Variants in AUTS2 observed in about 807,000 individuals in gnomAD.
AUTS2 encodes autism susceptibility gene 2 protein.
Under a neutral mutation model 112.4 loss-of-function variants are expected in AUTS2, and 17 were observed. The ratio of observed to expected loss-of-function variants is 0.15; its 90% CI spans 0.10 to 0.23. AUTS2 has a LOEUF of 0.23. Among genes scored for constraint, AUTS2 ranks in the 10% least tolerant of loss-of-function variants. The pLI is 1.00. For missense variants in AUTS2, 1,510 were observed against 1,701.6 expected, an observed-to-expected ratio of 0.89 and a Z score of 1.98; for synonymous variants, 751 against 702.7, an observed-to-expected ratio of 1.07 and a Z score of -1.09.
intron 4 of AUTS2, among the ~76,000 whole-genome samples, chr7:70,410,410 A>G (rs895916127): frequency 2.5e-4 from 32 of 127,394 alleles, no homozygotes; most frequent in African/African-American, 7.2e-4. Context: ...TTATTTATTT[A>G]TTTATTTATT....
intron 1 of AUTS2, among the ~76,000 whole-genome samples, chr7:69,839,814 T>G (rs1050997530): frequency 6.6e-6 from 1 of 152,002 alleles, no homozygotes; most frequent in Non-Finnish European, 1.5e-5. Flanking sequence ...GTTGTCGTGT[T>G]TTGTAGGTAA....
rs1162716626 is a variant in AUTS2, at chr7:70,343,557, T to A, written c.661-92195T>A. On this transcript the variant is annotated intron_variant, in intron 4 of 18. Coordinates refer to ENST00000342771, the MANE Select transcript of AUTS2 (RefSeq NM_015570.4). ...ACAGTTAAAAGTACTATATGATAAA[T>A]CTTCTGGAAGACGGGTGATGGAATG... Among the ~76,000 whole-genome samples the A allele has an allele frequency of 3.3e-5, 5 of 152,158 alleles. 1 individual carries two copies. The highest frequency in any genetic ancestry group is 7.3e-5 in the Non-Finnish European group (5 of 68,036).
At chr7:70,074,476 C>A (rs751792200) in intron 2 of AUTS2, among the ~76,000 whole-genome samples, 1 of 152,140 alleles carries the variant, frequency 6.6e-6, no homozygotes, top group Non-Finnish European at 1.5e-5. Flanking sequence ...TTGAGTCTCA[C>A]TCTTTTTATT....
At position 70,387,839 on chromosome 7, in the gene AUTS2, C is replaced by T. The variant is rs370007841; in HGVS notation, c.661-47913C>T. Among the ~76,000 whole-genome samples the T allele has an allele frequency of 9.8e-5, 15 of 152,306 alleles. No homozygotes were observed. The South Asian group carries it at 2.9e-3, about 29-fold the overall frequency. On this transcript the variant is annotated intron_variant, in intron 4 of 18. Transcript: ENST00000342771. ...TCATTTGGACTATCACCAGACCATT[C>T]GATCTCTGCTCATTCCATCTTCTAC...
At chr7:69,782,573 T>C (rs1487208075) in intron 1 of AUTS2, among the ~76,000 whole-genome samples, 1 of 151,574 alleles carries the variant, frequency 6.6e-6, no homozygotes, top group Non-Finnish European at 1.5e-5. Flanking sequence ...TCCCAGCTGG[T>C]TCCTGGGTTA....
At chr7:70,288,151 G>A (rs1033167933) in intron 4 of AUTS2, among the ~76,000 whole-genome samples, 4 of 152,108 alleles carry the variant, frequency 2.6e-5, no homozygotes, top group African/African-American at 4.8e-5. Context: ...GGTGACTCAC[G>A]CCTGTAATCC....
intron 5 of AUTS2, among the ~76,000 whole-genome samples, chr7:70,612,987 G>C (rs144712800): frequency 5.9e-5 from 9 of 151,990 alleles, no homozygotes; most frequent in African/African-American, 2.2e-4. Context: ...GGGAGACAGC[G>C]CGGTGGTACA....
At position 70,163,341 on chromosome 7, in the gene AUTS2, T is replaced by TGGGGGGGGGG. The variant is rs200344668; in HGVS notation, c.660+28772_660+28773insGGGGGGGGGG. Among the ~76,000 whole-genome samples, 2 of 2,762 alleles carry TGGGGGGGGGG rather than the reference T, an allele frequency of 7.2e-4. 1 individual carries two copies. The highest frequency in any genetic ancestry group is 1.8e-3 in the African/African-American group (2 of 1,128). 1.8% of individuals were successfully genotyped at this position (2,762 alleles called of 152,430 possible). On this transcript the variant is annotated intron_variant, in intron 4 of 18. Transcript: ENST00000342771. ...ACCAAAGATGAGTGTTAGGTTGTGG[T>TGGGGGGGGGG]GGTGGGGGGGGGGGGGGCAGAGGGG...
chr7:70,523,732 G>A (rs1297302169), intron 5 of AUTS2, among the ~76,000 whole-genome samples: 4 of 152,200 alleles, frequency 2.6e-5, no homozygotes, highest in Admixed American at 2.0e-4. Context: ...ACAAGCTCTA[G>A]CCTATAGCTG....
intron 6 of AUTS2, chr7:70,729,019 G>T: frequency 2.7e-6 from 1 of 363,744 alleles, no homozygotes; most frequent in South Asian, 2.1e-5. Context: ...CACCACCTCC[G>T]GGCAGGATTA....
intron 6 of AUTS2, 117 bp from the exon 7 acceptor site, chr7:70,762,753 G>C: frequency 1.3e-6 from 1 of 781,404 alleles, no homozygotes; most frequent in Non-Finnish European, 2.2e-6. Context: ...AAGCCAGGAG[G>C]GTTGGTGCCA....
intron 1 of AUTS2, among the ~76,000 whole-genome samples, chr7:69,834,921 CT>C (rs1253574345): frequency 6.6e-6 from 1 of 152,080 alleles, no homozygotes; most frequent in African/African-American, 2.4e-5. Flanking sequence ...TATGTTCACA[CT>C]TTTCCTTTTT....
intron 2 of AUTS2, among the ~76,000 whole-genome samples, chr7:70,087,483 C>T (rs776580575): frequency 6.6e-6 from 1 of 151,594 alleles, no homozygotes; most frequent in Non-Finnish European, 1.5e-5. Flanking sequence ...AATTCTCCTG[C>T]CTTAGCCTCC....
chr7:70,065,048 GAACA>G (rs1226846347), intron 2 of AUTS2, among the ~76,000 whole-genome samples: 2 of 152,144 alleles, frequency 1.3e-5, no homozygotes, highest in South Asian at 2.1e-4. Flanking sequence ...AGGAGCAAGT[GAACA>G]AACAGAGATG....
chr7:70,425,662 G>T (rs1562950410), intron 4 of AUTS2, among the ~76,000 whole-genome samples: 1 of 152,202 alleles, frequency 6.6e-6, no homozygotes, highest in East Asian at 1.9e-4. Flanking sequence ...TGCACTTTCT[G>T]AGGAGTTCAC....
chr7:70,180,852 T>G (rs1809259989), intron 4 of AUTS2, among the ~76,000 whole-genome samples: 1 of 152,176 alleles, frequency 6.6e-6, no homozygotes, highest in African/African-American at 2.4e-5. Flanking sequence ...GCTCCGAAGA[T>G]TCCTCTATTG....
intron 1 of AUTS2, among the ~76,000 whole-genome samples, chr7:69,872,681 T>A (rs1793551445): frequency 6.6e-6 from 1 of 151,964 alleles, no homozygotes; most frequent in African/African-American, 2.4e-5. Context: ...CTGTGGTCCA[T>A]TGCAACCACT....
At chr7:70,546,750 G>T (rs956098645) in intron 5 of AUTS2, among the ~76,000 whole-genome samples, 3 of 151,124 alleles carry the variant, frequency 2.0e-5, no homozygotes, top group Admixed American at 2.0e-4. Flanking sequence ...CTGCACTCCA[G>T]CCTGGGCGAC....
At chr7:70,712,676 A>G (rs1300728729) in intron 6 of AUTS2, among the ~76,000 whole-genome samples, 2 of 152,216 alleles carry the variant, frequency 1.3e-5, no homozygotes, top group African/African-American at 4.8e-5. Context: ...AGAAAAAACG[A>G]GGAAGAACAT....
Sources: allele counts gnomAD v4.1 joint callset (sites outside exome capture counted in the v4.1 genomes callset), GRCh38; gene constraint gnomAD v4.1.1; transcripts MANE v1.5; gene names NCBI Gene and HGNC (gene_info 2026-07-23, HGNC 2026-07-21).